Variants in DSCAM observed in about 807,000 individuals in gnomAD.
DSCAM encodes DS cell adhesion molecule.
Under a neutral mutation model 217.7 loss-of-function variants are expected in DSCAM, and 47 were observed. The observed-to-expected ratio is 0.22, with a 90% confidence interval of 0.17 to 0.28. The LOEUF (loss-of-function observed/expected upper bound fraction) is 0.28, where lower values mean the gene tolerates loss of function less well. Among genes scored for constraint, DSCAM ranks in the 10% least tolerant of loss-of-function variants. The pLI is 1.00. For synonymous variants in DSCAM, 1,056 were observed against 1,015.3 expected (o/e 1.04, Z -0.76); for missense variants, 2,080 against 2,618.3 (o/e 0.79, Z 4.49).
chr21:40,314,625 G>C (rs2074176235), intron 8 of DSCAM, among the ~76,000 whole-genome samples: 1 of 152,136 alleles, frequency 6.6e-6, no homozygotes, highest in South Asian at 2.1e-4. Flanking sequence ...ATACTAAATT[G>C]CTATGCTTTA....
intron 3 of DSCAM, among the ~76,000 whole-genome samples, chr21:40,433,346 T>TGAA (rs572787402): frequency 1.1e-5 from 1 of 93,734 alleles, no homozygotes; most frequent in Non-Finnish European, 2.0e-5. Flanking sequence ...AGACTCCGTC[T>TGAA]AAAAAAAAAA....
intron 18 of DSCAM, among the ~76,000 whole-genome samples, chr21:40,136,430 G>A (rs1332646283): frequency 6.6e-6 from 1 of 152,154 alleles, no homozygotes; most frequent in Non-Finnish European, 1.5e-5. Flanking sequence ...GCAGTGAGCT[G>A]TGATTGTGCC....
At chr21:40,195,737 G>C (rs562227549) in intron 11 of DSCAM, among the ~76,000 whole-genome samples, 1 of 152,316 alleles carries the variant, frequency 6.6e-6, no homozygotes, top group African/African-American at 2.4e-5. Context: ...GGAAACTGAG[G>C]CAGGAATTAC....
intron 3 of DSCAM, among the ~76,000 whole-genome samples, chr21:40,402,230 C>G (rs2142079): frequency 6.6e-6 from 1 of 151,076 alleles, no homozygotes; most frequent in African/African-American, 2.4e-5. Flanking sequence ...CCACGCCCGG[C>G]TAATTTTTTT....
intron 3 of DSCAM, among the ~76,000 whole-genome samples, chr21:40,463,186 A>G (rs2075819207): frequency 6.6e-6 from 1 of 152,138 alleles, no homozygotes; most frequent in Admixed American, 6.5e-5. Flanking sequence ...TGAGAAGCTC[A>G]TTATTATTGC....
intron 1 of DSCAM, among the ~76,000 whole-genome samples, chr21:40,824,931 G>A (rs2091956391): frequency 6.6e-6 from 1 of 152,182 alleles, no homozygotes; most frequent in Non-Finnish European, 1.5e-5. Flanking sequence ...AGGCTAATCA[G>A]AAGTTGTTTT....
intron 3 of DSCAM, among the ~76,000 whole-genome samples, chr21:40,391,338 G>A (rs2075132293): frequency 6.6e-6 from 1 of 152,114 alleles, no homozygotes; most frequent in Non-Finnish European, 1.5e-5. Context: ...TCTGGAGGGA[G>A]GCTAAATTTT....
chr21:40,733,130 G>T (rs901375766), intron 1 of DSCAM, among the ~76,000 whole-genome samples: 7 of 152,236 alleles, frequency 4.6e-5, no homozygotes, highest in Non-Finnish European at 1.0e-4. Flanking sequence ...ATGCATGCAG[G>T]TGCTGGAGGG....
At chr21:40,720,947 C>T (rs559756780) in intron 1 of DSCAM, among the ~76,000 whole-genome samples, 71 of 152,194 alleles carry the variant, frequency 4.7e-4, no homozygotes, top group African/African-American at 1.6e-3. Flanking sequence ...TATTTGCATG[C>T]GTGTAAGAAA....
intron 3 of DSCAM, among the ~76,000 whole-genome samples, chr21:40,410,961 C>A (rs377100173): frequency 6.6e-6 from 1 of 151,990 alleles, no homozygotes; most frequent in African/African-American, 2.4e-5. Flanking sequence ...AAATGTAACA[C>A]CTTTTATTAT....
intron 1 of DSCAM, among the ~76,000 whole-genome samples, chr21:40,822,976 C>T (rs1178384344): frequency 1.3e-5 from 2 of 152,026 alleles, no homozygotes; most frequent in East Asian, 3.9e-4. Flanking sequence ...ATGGCGAAAC[C>T]CCGTCTCTAC....
chr21:40,577,825 C>T (rs189232063), intron 3 of DSCAM, among the ~76,000 whole-genome samples: 3 of 152,248 alleles, frequency 2.0e-5, no homozygotes, highest in Admixed American at 2.0e-4. Context: ...GTGATAGACT[C>T]GGGGCTTTGG....
intron 11 of DSCAM, among the ~76,000 whole-genome samples, chr21:40,217,062 A>G (rs562850267): frequency 6.6e-6 from 1 of 152,356 alleles, no homozygotes; most frequent in South Asian, 2.1e-4. Context: ...CTGGCTTTCT[A>G]AAAGAGAATA....
intron 3 of DSCAM, among the ~76,000 whole-genome samples, chr21:40,496,636 C>T (rs866931004): frequency 2.6e-5 from 4 of 151,964 alleles, no homozygotes; most frequent in Middle Eastern, 3.2e-3. Flanking sequence ...AGGCAACAAA[C>T]GTAGACAACT....
chr21:40,486,002 G>A (rs537452372), intron 3 of DSCAM, among the ~76,000 whole-genome samples: 3 of 152,206 alleles, frequency 2.0e-5, no homozygotes, highest in East Asian at 1.9e-4. Flanking sequence ...AGTTTTTAAG[G>A]CAGCTTACAA....
intron 3 of DSCAM, among the ~76,000 whole-genome samples, chr21:40,525,009 C>CAAAAAAA (rs58427418): frequency 0.029 from 1,646 of 56,012 alleles, 131 homozygotes; most frequent in African/African-American, 0.089. Context: ...GACTCAGTCT[C>CAAAAAAA]AAAAAAAAAA....
chr21:40,694,173 C>T (rs2090571929), intron 2 of DSCAM, among the ~76,000 whole-genome samples: 1 of 152,126 alleles, frequency 6.6e-6, no homozygotes, highest in South Asian at 2.1e-4. Context: ...ATTAGATGTG[C>T]CAGCCTTACT....
At chr21:40,418,426 C>T (rs1569113480) in intron 3 of DSCAM, among the ~76,000 whole-genome samples, 1 of 152,010 alleles carries the variant, frequency 6.6e-6, no homozygotes, top group Non-Finnish European at 1.5e-5. Flanking sequence ...TCTGTAAATC[C>T]AATTCATATA....
At chr21:40,092,712 G>A (rs573840390) in intron 21 of DSCAM, among the ~76,000 whole-genome samples, 27 of 152,258 alleles carry the variant, frequency 1.8e-4, no homozygotes, top group Middle Eastern at 3.4e-3. Flanking sequence ...CAGTCCTTAT[G>A]TCCAACATTT....
Sources: gnomAD v4.1 joint callset for allele counts (sites outside exome capture counted in the v4.1 genomes callset) on GRCh38, gnomAD v4.1.1 for gene constraint, MANE v1.5 for transcripts, NCBI Gene and HGNC (gene_info 2026-07-23, HGNC 2026-07-21) for gene names.